Variants in KCNIP4 observed in about 807,000 individuals in gnomAD.
KCNIP4 encodes the protein Kv channel-interacting protein 4.
A neutral mutation model predicts 34.0 loss-of-function variants in KCNIP4; 12 were observed. That is an observed-to-expected ratio of 0.35 (90% CI 0.23 to 0.57). The LOEUF (loss-of-function observed/expected upper bound fraction) is 0.57. Ranked by LOEUF, KCNIP4 falls within the 20% of genes least tolerant of loss-of-function variation. The pLI is 0.83. For synonymous variants in KCNIP4, 124 were observed against 102.2 expected, an observed-to-expected ratio of 1.21 and a Z score of -1.29; for missense variants, 238 against 311.7, an observed-to-expected ratio of 0.76 and a Z score of 1.78.
intron 1 of KCNIP4, among the ~76,000 whole-genome samples, chr4:21,364,057 A>G (rs1172431912): frequency 1.3e-5 from 2 of 152,162 alleles, no homozygotes; most frequent in African/African-American, 4.8e-5. Flanking sequence ...AGAAAATGTG[A>G]GCCTCATAAG....
At chr4:21,261,429 T>G (rs1053018763) in intron 1 of KCNIP4, among the ~76,000 whole-genome samples, 1 of 152,154 alleles carries the variant, frequency 6.6e-6, no homozygotes, top group Non-Finnish European at 1.5e-5. Context: ...AGAATAATCA[T>G]TAAAAGGGAA....
chr4:20,967,167 C>T (rs1357748612), intron 1 of KCNIP4, among the ~76,000 whole-genome samples: 2 of 152,312 alleles, frequency 1.3e-5, no homozygotes, highest in East Asian at 1.9e-4. Context: ...TTCATGTCTT[C>T]TTGCTCAAAG....
intron 1 of KCNIP4, among the ~76,000 whole-genome samples, chr4:21,672,924 C>T (rs1260666286): frequency 1.3e-5 from 2 of 152,248 alleles, no homozygotes; most frequent in Non-Finnish European, 2.9e-5. Flanking sequence ...CGGGAGGCCT[C>T]ACTTTCCTGC....
At chr4:21,468,472 G>T (rs1430143195) in intron 1 of KCNIP4, among the ~76,000 whole-genome samples, 2 of 152,128 alleles carry the variant, frequency 1.3e-5, no homozygotes, top group South Asian at 4.1e-4. Context: ...TGCTTTCATC[G>T]CTTGCATTAC....
intron 3 of KCNIP4, among the ~76,000 whole-genome samples, chr4:20,773,717 T>C (rs1264389896): frequency 2.0e-5 from 3 of 152,242 alleles, no homozygotes; most frequent in Non-Finnish European, 4.4e-5. Flanking sequence ...GGCTATTTCC[T>C]TTTTATGAAC....
intron 1 of KCNIP4, among the ~76,000 whole-genome samples, chr4:21,109,064 G>A (rs1160989371): frequency 1.3e-5 from 2 of 152,154 alleles, no homozygotes; most frequent in Non-Finnish European, 2.9e-5. Context: ...GGACCCACTT[G>A]AGGAGGCAGT....
intron 1 of KCNIP4, among the ~76,000 whole-genome samples, chr4:21,301,179 A>G (rs1711629039): frequency 6.6e-6 from 1 of 152,192 alleles, no homozygotes; most frequent in Admixed American, 6.5e-5. Context: ...GAGAACTCAA[A>G]TCACTTAAAG....
intron 1 of KCNIP4, among the ~76,000 whole-genome samples, chr4:21,250,078 A>T (rs1760581702): frequency 6.6e-6 from 1 of 151,694 alleles, no homozygotes; most frequent in Non-Finnish European, 1.5e-5. Context: ...GTGTAAAGGG[A>T]GTGGTAAACT....
At position 21,016,068 on chromosome 4, in the gene KCNIP4, CCTA is replaced by C. The variant is rs377263030; in HGVS notation, c.62-133362_62-133360del. Among the ~76,000 whole-genome samples, 283 of 149,168 alleles carry C rather than the reference CCTA, an allele frequency of 1.9e-3. 6 individuals are homozygous for C. In the South Asian group the frequency reaches 0.053, roughly 28 times the overall value. ...AACAAATTGAAATTACATGCCATCT[CCTA>C]CTTCACACCTCGGGCTCCAGCAGCT... On this transcript the variant is annotated intron_variant, in intron 1 of 8. Coordinates refer to ENST00000382152, the MANE Select transcript of KCNIP4 (RefSeq NM_025221.6).
chr4:21,025,242 A>G (rs1462089616), intron 1 of KCNIP4, among the ~76,000 whole-genome samples: 1 of 152,154 alleles, frequency 6.6e-6, no homozygotes, highest in Non-Finnish European at 1.5e-5. Context: ...GGGAGGAAGA[A>G]GAGAGAAGGT....
chr4:21,030,927 T>C (rs983731747), intron 1 of KCNIP4, among the ~76,000 whole-genome samples: 1 of 152,172 alleles, frequency 6.6e-6, no homozygotes, highest in Admixed American at 6.5e-5. Flanking sequence ...CCATGAAAGA[T>C]AGTCTCATTC....
At chr4:21,225,185 A>C (rs1037027475) in intron 1 of KCNIP4, among the ~76,000 whole-genome samples, 12 of 152,174 alleles carry the variant, frequency 7.9e-5, no homozygotes, top group African/African-American at 2.6e-4. Flanking sequence ...TGTATTTAAC[A>C]CCTCCAGAGG....
At chr4:21,109,707 A>G (rs1227116130) in intron 1 of KCNIP4, among the ~76,000 whole-genome samples, 2 of 152,148 alleles carry the variant, frequency 1.3e-5, no homozygotes, top group African/African-American at 4.8e-5. Flanking sequence ...TCACGCTGGG[A>G]GCTGTAGACC....
At chr4:20,939,664 G>A (rs558053908) in intron 1 of KCNIP4, among the ~76,000 whole-genome samples, 2 of 152,134 alleles carry the variant, frequency 1.3e-5, no homozygotes, top group East Asian at 1.9e-4. Flanking sequence ...GAGCCACCAC[G>A]CCTGGCCTCA....
At chr4:21,528,760 AAAGAAAGAAAGAAAGAAAGG>A (rs1736319037) in intron 1 of KCNIP4, among the ~76,000 whole-genome samples, 1 of 9,500 alleles carries the variant, frequency 1.1e-4, no homozygotes, top group Non-Finnish European at 1.9e-4. Context: ...AGAAAGAAAG[AAAGAAAGAAAGAAAGAAAGG>A]AAGAAAGGAA....
At chr4:20,963,701 G>A (rs929391688) in intron 1 of KCNIP4, among the ~76,000 whole-genome samples, 2 of 152,080 alleles carry the variant, frequency 1.3e-5, no homozygotes, top group Non-Finnish European at 2.9e-5. Flanking sequence ...AAAAATAAGA[G>A]GGCACTAGAC....
chr4:21,599,843 C>A (rs542003498), intron 1 of KCNIP4, among the ~76,000 whole-genome samples: 1 of 152,072 alleles, frequency 6.6e-6, no homozygotes, highest in Non-Finnish European at 1.5e-5. Flanking sequence ...TTGGAGATAA[C>A]CTATAAATAT....
intron 1 of KCNIP4, among the ~76,000 whole-genome samples, chr4:21,615,119 G>A (rs1459650147): frequency 6.6e-6 from 1 of 151,706 alleles, no homozygotes; most frequent in East Asian, 1.9e-4. Flanking sequence ...ATGAAAGAAG[G>A]AGGGAGAGAA....
intron 1 of KCNIP4, among the ~76,000 whole-genome samples, chr4:21,222,231 TAG>T (rs1175855043): frequency 6.6e-6 from 1 of 152,224 alleles, no homozygotes; most frequent in Non-Finnish European, 1.5e-5. Context: ...TGTTGTATTT[TAG>T]AGTGTTGATC....
Sources: allele counts gnomAD v4.1 joint callset (sites outside exome capture counted in the v4.1 genomes callset), GRCh38; gene constraint gnomAD v4.1.1; transcripts MANE v1.5; gene names NCBI Gene and HGNC (gene_info 2026-07-23, HGNC 2026-07-21).